Variants in PRRC2B observed in about 807,000 individuals in gnomAD.
PRRC2B encodes protein PRRC2B.
In PRRC2B, 68 loss-of-function variants were observed where a neutral mutation model predicts 242.3. The ratio of observed to expected loss-of-function variants is 0.28; its 90% CI spans 0.23 to 0.34. The LOEUF is 0.34. PRRC2B is among the 10% of genes least tolerant of loss of function. The pLI, the probability that PRRC2B is intolerant of heterozygous loss-of-function variation, is 1.00. For synonymous variants in PRRC2B, 1,228 were observed against 1,173.6 expected, an observed-to-expected ratio of 1.05 and a Z score of -0.95; for missense variants, 2,835 against 2,954.8, an observed-to-expected ratio of 0.96 and a Z score of 0.94.
intron 1 of PRRC2B, among the ~76,000 whole-genome samples, chr9:131,420,670 A>G (rs779427086): frequency 1.3e-5 from 2 of 150,438 alleles, no homozygotes; most frequent in African/African-American, 2.4e-5. Flanking sequence ...TTGTATTTTC[A>G]GTAGAGTCAG....
intron 1 of PRRC2B, among the ~76,000 whole-genome samples, chr9:131,420,019 C>T (rs983951426): frequency 7.9e-5 from 12 of 152,112 alleles, no homozygotes; most frequent in African/African-American, 2.7e-4. Flanking sequence ...GAGAACCCCC[C>T]AGTTCTCCAC....
chr9:131,389,797 G>C (rs1205460594), upstream of PRRC2B, among the ~76,000 whole-genome samples: 2 of 149,876 alleles, frequency 1.3e-5, no homozygotes, highest in Non-Finnish European at 3.0e-5. Context: ...GGGGATCCCA[G>C]CTGGAGAGAC....
intron 5 of PRRC2B, among the ~76,000 whole-genome samples, chr9:131,443,782 ACT>A (rs1838693404): frequency 1.3e-5 from 2 of 152,126 alleles, no homozygotes; most frequent in Admixed American, 1.3e-4. Flanking sequence ...ATGGCAGCAC[ACT>A]CTGTAGGTGT....
chr9:131,420,635 A>T (rs990598697), intron 1 of PRRC2B, among the ~76,000 whole-genome samples: 2 of 149,994 alleles, frequency 1.3e-5, no homozygotes, highest in African/African-American at 4.9e-5. Context: ...GATTACAGGC[A>T]TGCACTACCA....
chr9:131,462,785 C>G (rs927765903), intron 11 of PRRC2B, among the ~76,000 whole-genome samples: 1 of 130,886 alleles, frequency 7.6e-6, no homozygotes, highest in Non-Finnish European at 1.5e-5. Context: ...TTGCAGTGAG[C>G]CGAGATCATG....
chr9:131,468,996 A>G (rs930597113), intron 13 of PRRC2B, among the ~76,000 whole-genome samples: 2 of 152,172 alleles, frequency 1.3e-5, no homozygotes, highest in Non-Finnish European at 2.9e-5. Context: ...CAATTGCTCT[A>G]GGTAACTCCT....
intron 1 of PRRC2B, among the ~76,000 whole-genome samples, chr9:131,423,777 C>G (rs1837910372): frequency 6.6e-6 from 1 of 152,182 alleles, no homozygotes; most frequent in South Asian, 2.1e-4. Context: ...GTGCAGTCTT[C>G]ACTGTGGAGA....
chr9:131,389,199 C>T (rs1262116731), upstream of PRRC2B, among the ~76,000 whole-genome samples: 2 of 140,282 alleles, frequency 1.4e-5, no homozygotes, highest in Non-Finnish European at 3.1e-5. Flanking sequence ...GTTGCCCAAG[C>T]GGGAATGCAG....
chr9:131,472,393 C>G (rs1251625720), intron 14 of PRRC2B, among the ~76,000 whole-genome samples: 1 of 151,958 alleles, frequency 6.6e-6, no homozygotes, highest in African/African-American at 2.4e-5. Context: ...CAACCTCCGC[C>G]TCCCGGGTTC....
At position 131,498,827 on chromosome 9, in the gene PRRC2B, C is replaced by G. The variant is rs1944396963; in HGVS notation, c.*2953C>G. 3 of 152,148 alleles carry G rather than the reference C, an allele frequency of 2.0e-5. No homozygotes were observed. Among genetic ancestry groups the G allele is most frequent in the Admixed American group, 2.0e-4 (3 of 15,276 alleles). The allele number at this position is 152,148 out of a possible 1,614,324, so 9.4% of individuals were successfully genotyped here. On this transcript the variant is annotated 3_prime_UTR_variant, in exon 32 of 32. Coordinates refer to ENST00000683519, the MANE Select transcript of PRRC2B (RefSeq NM_013318.4). ...CGGCTCGTTGCTCAGCCACCAGTGGCCTTGCGGTATTGTCCACCATCCACT... is the reference window on the plus strand; with the variant it reads ...CGGCTCGTTGCTCAGCCACCAGTGGGCTTGCGGTATTGTCCACCATCCACT...
At chr9:131,447,917 T>A in intron 9 of PRRC2B, 113 bp downstream of exon 9, 1 of 1,195,512 alleles carries the variant, frequency 8.4e-7, no homozygotes, top group Non-Finnish European at 1.1e-6. Context: ...AAGATAGGGA[T>A]GAAGAGCCGG....
chr9:131,458,064 A>T (rs1588263213), intron 10 of PRRC2B, among the ~76,000 whole-genome samples: 2 of 151,690 alleles, frequency 1.3e-5, no homozygotes, highest in African/African-American at 2.4e-5. Context: ...CGAGCATGGC[A>T]CCCATCCCCT....
At chr9:131,447,597 A>G in intron 8 of PRRC2B, 65 bp from the exon 9 acceptor site, 2 of 1,404,162 alleles carry the variant, frequency 1.4e-6, no homozygotes, top group South Asian at 3.0e-5. Flanking sequence ...TTATTTTTGG[A>G]AAGGTATTTG....
At chr9:131,432,280 G>A (rs1838203134) in intron 2 of PRRC2B, among the ~76,000 whole-genome samples, 1 of 152,164 alleles carries the variant, frequency 6.6e-6, no homozygotes, top group Non-Finnish European at 1.5e-5. Context: ...GTCTCAACTT[G>A]CAGAGAGGTG....
At chr9:131,394,482 G>C (rs1322274186) in intron 1 of PRRC2B, among the ~76,000 whole-genome samples, 1 of 147,206 alleles carries the variant, frequency 6.8e-6, no homozygotes, top group African/African-American at 2.4e-5. Flanking sequence ...GGGGCGGCGG[G>C]CCCGGGCGCG....
chr9:131,478,436 G>A (rs766856832), intron 17 of PRRC2B, 38 bp from the exon 18 acceptor site: 1 of 1,605,918 alleles, frequency 6.2e-7, no homozygotes, highest in South Asian at 1.1e-5. Flanking sequence ...CTCCTGGTGA[G>A]TGGAAAGACT....
chr9:131,423,421 GA>G (rs1471480749), intron 1 of PRRC2B, among the ~76,000 whole-genome samples: 1 of 152,206 alleles, frequency 6.6e-6, no homozygotes, highest in Non-Finnish European at 1.5e-5. Flanking sequence ...GCAGGTATTT[GA>G]AGCCTGGTAA....
chr9:131,381,417 C>CTTTTT (rs34806343), intron 1 of PRRC2B, among the ~76,000 whole-genome samples: 1 of 102,458 alleles, frequency 9.8e-6, no homozygotes, highest in African/African-American at 3.6e-5. Flanking sequence ...AGTTCTGGTT[C>CTTTTT]TTTTTTTTTT....
Position 131,477,920 on chromosome 9 carries a change from C to T in PRRC2B, c.4583C>T (p.Ala1528Val), listed in dbSNP as rs1008295931. ...AAPRAGEQGE[A>V]MKQFDLNYGS... ...CCGAGGGCAGGTGAACAGGGAGAGG[C>T]CATGAAACAGTTTGACCTGAACTAT... Residue 1528 changes from alanine to valine, a missense_variant, in exon 17 of 32, where the codon GCC becomes GTC. Coordinates refer to ENST00000683519, the MANE Select transcript of PRRC2B (RefSeq NM_013318.4). 3.7e-6 allele frequency: 6 copies of T among 1,613,862 alleles called. No homozygotes were observed. The highest frequency in any genetic ancestry group is 4.2e-6 in the Non-Finnish European group (5 of 1,179,866).
Sources: gnomAD v4.1 joint callset for allele counts (sites outside exome capture counted in the v4.1 genomes callset) on GRCh38, gnomAD v4.1.1 for gene constraint, MANE v1.5 for transcripts, NCBI Gene and HGNC (gene_info 2026-07-23, HGNC 2026-07-21) for gene names.